Variants in WTIP observed in about 807,000 individuals in gnomAD.
WTIP encodes Wilms tumor protein 1-interacting protein.
A neutral mutation model predicts 41.7 loss-of-function variants in WTIP; 23 were observed. That is an observed-to-expected ratio of 0.55 (90% CI 0.40 to 0.78). The LOEUF is 0.78. Ranked by LOEUF, WTIP falls within the 30% of genes least tolerant of loss-of-function variation. The pLI is 0.00. For missense variants in WTIP, 619 were observed against 610.5 expected (o/e 1.01, Z -0.15); for synonymous variants, 314 against 269.9 (o/e 1.16, Z -1.60).
At chr19:34,496,323 G>A (rs1228874082) in intron 7 of WTIP, among the ~76,000 whole-genome samples, 1 of 152,092 alleles carries the variant, frequency 6.6e-6, no homozygotes, top group African/African-American at 2.4e-5. Flanking sequence ...GGCTCGCGCC[G>A]CCACATTCAG....
chr19:34,494,787 G>T, intron 6 of WTIP, 150 bp downstream of exon 6: 1 of 820,178 alleles, frequency 1.2e-6, no homozygotes, highest in South Asian at 1.8e-5. Context: ...GATGTGTGTT[G>T]TGCTTGTGTA....
At chr19:34,485,858 G>A (rs1440040405) in intron 1 of WTIP, among the ~76,000 whole-genome samples, 1 of 152,186 alleles carries the variant, frequency 6.6e-6, no homozygotes, top group Non-Finnish European at 1.5e-5. Context: ...GCTTCCCAGT[G>A]TTGGGATTAC....
chr19:34,511,121 T>G lies in WTIP; in HGVS notation c.*10852T>G, dbSNP rs1396403631. On this transcript the variant is annotated 3_prime_UTR_variant, in exon 8 of 8. Transcript: ENST00000590071. ...CCAGTACCAATTTACTGTATTAGTT[T>G]GTTTTCATGCTGCTGATAAAGACAT... is the stretch of plus-strand genomic sequence containing the variant. 1 of 152,480 alleles carries G rather than the reference T, an allele frequency of 6.6e-6. No homozygotes were observed. Among genetic ancestry groups the G allele is most frequent in the East Asian group, 1.9e-4 (1 of 5,216 alleles). The allele number at this position is 152,480 out of a possible 1,614,324, so 9.4% of individuals were successfully genotyped here.
At chr19:34,498,366 A>G (rs1296134354) in intron 7 of WTIP, among the ~76,000 whole-genome samples, 2 of 151,948 alleles carry the variant, frequency 1.3e-5, no homozygotes, top group African/African-American at 4.8e-5. Flanking sequence ...ACTGGTGGAC[A>G]CTTCCTTCCG....
chr19:34,496,723 A>AG (rs374776958), intron 7 of WTIP, among the ~76,000 whole-genome samples: 1 of 136,714 alleles, frequency 7.3e-6, no homozygotes, highest in African/African-American at 2.8e-5. Context: ...GCAAAGAGTG[A>AG]GGGCAGGGGG....
At chr19:34,485,331 C>T (rs2075791967) in intron 1 of WTIP, among the ~76,000 whole-genome samples, 1 of 152,122 alleles carries the variant, frequency 6.6e-6, no homozygotes, top group African/African-American at 2.4e-5. Flanking sequence ...GATCCACCTG[C>T]CTCGGCCTCT....
chr19:34,481,879 G>A lies in WTIP; in HGVS notation c.-96G>A, dbSNP rs2075767982. The A allele has an allele frequency of 1.3e-6, 1 of 759,414 alleles. No homozygotes were observed. The highest frequency in any genetic ancestry group is 1.6e-6 in the Non-Finnish European group (1 of 625,394). The allele number at this position is 759,414 out of a possible 1,614,324, so 47.0% of individuals were successfully genotyped here. ...GCCCCGCGCCCAGGGGTCCCGGGGC[G>A]GGCTCCGGGCTTCGGGCGGACGATG... On this transcript the variant is annotated 5_prime_UTR_variant, in exon 1 of 8. Coordinates refer to ENST00000590071, the MANE Select transcript of WTIP (RefSeq NM_001080436.2).
Position 34,493,233 on chromosome 19 carries a change from C to G in WTIP, c.838-30C>G. ...GGGCCGCGAGTGCCCCTTTGTCACA[C>G]AATGTCCTGGATCCTGTGTCCCCTC... On this transcript the variant is annotated intron_variant, in intron 3 of 7. Transcript: ENST00000590071. The surrounding 1 kb of genome is among the most constrained non-coding windows in gnomAD (Gnocchi z 4.1). 6.2e-7 allele frequency: 1 copy of G among 1,613,522 alleles called. No individual in the cohort carries two copies. The highest frequency in any genetic ancestry group is 8.5e-7 in the Non-Finnish European group (1 of 1,179,668).
rs1223325924 is a variant in WTIP at position 34,482,502 on chromosome 19, G to A, written c.528G>A (p.Gly176=). Reference sequence around the variant, plus strand: ...CCGCTCGCTCCCCGGAGCCTGCGGGGCCGGCTCCCTTCCCGCTGCCTGCAC... The same window carrying A: ...CCGCTCGCTCCCCGGAGCCTGCGGGACCGGCTCCCTTCCCGCTGCCTGCAC... The part of the protein sequence containing the change: ...PAPARSPEPA[G]PAPFPLPALP... Residue 176 remains glycine (G), a synonymous_variant, in exon 1 of 8, where the codon GGG becomes GGA. Transcript: ENST00000590071. The A allele has an allele frequency of 8.1e-7, 1 of 1,235,386 alleles. No homozygotes were observed. Among genetic ancestry groups the A allele is most frequent in the Non-Finnish European group, 1.0e-6 (1 of 991,886 alleles). The allele number at this position is 1,235,386 out of a possible 1,614,324, so 76.5% of individuals were successfully genotyped here. A position where few individuals can be genotyped will look rare whatever the true frequency, so the allele number is the denominator to read the frequency against.
chr19:34,488,302 C>T (rs1314998207), intron 1 of WTIP, among the ~76,000 whole-genome samples: 1 of 152,102 alleles, frequency 6.6e-6, no homozygotes, highest in Non-Finnish European at 1.5e-5. Context: ...TCTTGAACTC[C>T]TGACCTCCTG....
rs1192789302 is a variant in WTIP, at chr19:34,482,050, G to C, written c.76G>C (p.Gly26Arg). 1.9e-6 allele frequency: 2 copies of C among 1,033,236 alleles called. No individual in the cohort carries two copies. The highest frequency in any genetic ancestry group is 1.6e-4 in the East Asian group (2 of 12,178). 64.0% of individuals were successfully genotyped at this position (1,033,236 alleles called of 1,614,324 possible). A position where few individuals can be genotyped will look rare whatever the true frequency, so the allele number is the denominator to read the frequency against. ...AGLALRELEP[G>R]CGSPGRGRRG... ...GCTGGCCCTGCGGGAGCTGGAGCCCGGGTGCGGCTCTCCCGGTCGGGGGCG... is the reference window on the plus strand; with the variant it reads ...GCTGGCCCTGCGGGAGCTGGAGCCCCGGTGCGGCTCTCCCGGTCGGGGGCG... Residue 26 changes from glycine (G) to arginine (R), a missense_variant, in exon 1 of 8, where the codon GGG (glycine) becomes CGG (arginine). Transcript: ENST00000590071.
chr19:34,500,026 C>T, intron 7 of WTIP, 103 bp from the exon 8 acceptor site: 3 of 1,475,582 alleles, frequency 2.0e-6, no homozygotes, highest in Non-Finnish European at 2.7e-6. Flanking sequence ...TGTTTTGCGG[C>T]ACCCTGCAGA....
intron 7 of WTIP, among the ~76,000 whole-genome samples, chr19:34,496,898 C>T (rs570969806): frequency 1.4e-4 from 21 of 152,002 alleles, no homozygotes; most frequent in South Asian, 1.2e-3. Flanking sequence ...AGTCTCACTC[C>T]GTTGCCCAGG....
At chr19:34,498,868 C>A (rs768449319) in intron 7 of WTIP, among the ~76,000 whole-genome samples, 11 of 151,358 alleles carry the variant, frequency 7.3e-5, no homozygotes, top group African/African-American at 2.4e-4. Flanking sequence ...CCACTGCACT[C>A]CAGTCTGGGC....
At chr19:34,485,878 C>CCA (rs1291531875) in intron 1 of WTIP, among the ~76,000 whole-genome samples, 1 of 152,190 alleles carries the variant, frequency 6.6e-6, no homozygotes, top group Non-Finnish European at 1.5e-5. Context: ...CAGGCGGGAG[C>CCA]CACTACGCCT....
At chr19:34,498,531 G>A (rs2075867630) in intron 7 of WTIP, 1 of 152,304 alleles carries the variant, frequency 6.6e-6, no homozygotes, top group African/African-American at 2.4e-5. Context: ...CTCATGGAAG[G>A]TTCTGCTGTT....
Position 34,482,298 on chromosome 19 carries a change from C to A in WTIP, c.324C>A (p.Ser108Arg), listed in dbSNP as rs756810625. 3 of 1,359,942 alleles carry A rather than the reference C, an allele frequency of 2.2e-6. No individual in the cohort carries two copies. In the South Asian group the frequency reaches 4.4e-5, roughly 20 times the overall value. 84.2% of individuals were successfully genotyped at this position (1,359,942 alleles called of 1,614,324 possible). A position where few individuals can be genotyped will look rare whatever the true frequency, so the allele number is the denominator to read the frequency against. ...GCGGTGGCGGCAGCGCCCGATCCAG[C>A]GGCATCAGCCTGGGCTACGACCAGC... is the stretch of plus-strand genomic sequence containing the variant. ...GGGGGGSARS[S>R]GISLGYDQRH... The change falls in exon 1 of 8, where the codon AGC becomes AGA. Residue 108 changes from serine to arginine, a missense_variant. Ser to Arg is a moderately radical substitution (Grantham distance 110). This residue lies in a region of WTIP where 363 missense variants were observed against 309.0 expected (regional missense o/e 1.17). Transcript: ENST00000590071.
Position 34,481,903 on chromosome 19 carries a change from T to TGCGGCGGCCCGGCCGGA in WTIP, c.-63_-47dup. 2 of 916,554 alleles carry TGCGGCGGCCCGGCCGGA rather than the reference T, an allele frequency of 2.2e-6. No individual in the cohort carries two copies. Among genetic ancestry groups the TGCGGCGGCCCGGCCGGA allele is most frequent in the Non-Finnish European group, 2.6e-6 (2 of 769,376 alleles). The allele number at this position is 916,554 out of a possible 1,614,324, so 56.8% of individuals were successfully genotyped here. On this transcript the variant is annotated 5_prime_UTR_variant, in exon 1 of 8. The change abolishes the stop of an existing upstream ORF in the 5' untranslated region. Transcript: ENST00000590071. ...CGGGCTCCGGGCTTCGGGCGGACGA[T>TGCGGCGGCCCGGCCGGA]GCGGCGGCCCGGCCGGAGCGGCGGC... is the stretch of plus-strand genomic sequence containing the variant.
Position 34,506,961 on chromosome 19 carries a change from C to T in WTIP, c.*6692C>T, listed in dbSNP as rs1270763599. On this transcript the variant is annotated 3_prime_UTR_variant, in exon 8 of 8. Transcript: ENST00000590071. ...GCCTGGCCGGGCGCGGTGGCTCACG[C>T]CTGTAATCCCAGCACTTTGGGAGGC... 1 of 151,990 alleles carries T rather than the reference C, an allele frequency of 6.6e-6. No homozygotes were observed. The highest frequency in any genetic ancestry group is 1.5e-5 in the Non-Finnish European group (1 of 68,026). 9.4% of individuals were successfully genotyped at this position (151,990 alleles called of 1,614,324 possible). A position where few individuals can be genotyped will look rare whatever the true frequency, so the allele number is the denominator to read the frequency against.
Sources: gnomAD v4.1 joint callset for allele counts (sites outside exome capture counted in the v4.1 genomes callset) on GRCh38, gnomAD v4.1.1 for gene constraint, gnomAD v4.1.1 regional missense constraint, Gnocchi (gnomAD v3.1) non-coding constraint, MANE v1.5 for transcripts, NCBI Gene and HGNC (gene_info 2026-07-23, HGNC 2026-07-21) for gene names.